MACF1: variants seen among roughly 807,000 people sequenced by gnomAD.
MACF1 encodes the protein microtubule-actin cross-linking factor 1.
A neutral mutation model predicts 854.8 loss-of-function variants in MACF1; 193 were observed. The ratio of observed to expected loss-of-function variants is 0.23; its 90% CI spans 0.20 to 0.25. MACF1 has a LOEUF of 0.25. Among genes scored for constraint, MACF1 ranks in the 10% least tolerant of loss-of-function variants. The pLI is 1.00. For missense variants in MACF1, 7,722 were observed against 8,929.1 expected (o/e 0.86, Z 5.45); for synonymous variants, 3,185 against 3,226.7 (o/e 0.99, Z 0.44).
chr1:39,368,068 C>G, intron 49 of MACF1, 80 bp from the exon 50 acceptor site: 1 of 1,149,096 alleles, frequency 8.7e-7, no homozygotes, highest in South Asian at 1.6e-5. Flanking sequence ...ACCTGGCAAG[C>G]ATACCTCTTT....
intron 2 of MACF1, among the ~76,000 whole-genome samples, chr1:39,151,922 G>A (rs1643587581): frequency 6.6e-6 from 1 of 152,120 alleles, no homozygotes; most frequent in African/African-American, 2.4e-5. Flanking sequence ...TTCAGTGGCA[G>A]TACTGGGATC....
At position 39,469,499 on chromosome 1, in the gene MACF1, G is replaced by A. The variant is rs766129273; in HGVS notation, c.21890-48G>A. 4.8e-5 allele frequency: 68 copies of A among 1,424,686 alleles called. 1 individual carries two copies. The highest frequency in any genetic ancestry group is 4.1e-4 in the South Asian group (33 of 81,404). 88.3% of individuals were successfully genotyped at this position (1,424,686 alleles called of 1,614,324 possible). The stretch of plus-strand genomic sequence containing the variant: ...TTTGTCTTTCTTGACTAGTTTCTGC[G>A]TTTCCTGCCCTGTCTGTTTCTTTCT... On this transcript the variant is annotated intron_variant, in intron 96 of 100. Coordinates refer to ENST00000564288, the MANE Select transcript of MACF1 (RefSeq NM_001394062.1).
chr1:39,317,100 A>G (rs1646426118), intron 28 of MACF1, 114 bp from the exon 29 acceptor site: 2 of 1,069,406 alleles, frequency 1.9e-6, no homozygotes, highest in Admixed American at 2.7e-5. Context: ...CCAGGGCACA[A>G]TCACATATAC....
intron 1 of MACF1, among the ~76,000 whole-genome samples, 199 bp from the exon 2 acceptor site, chr1:39,230,983 G>C (rs1024853665): frequency 2.0e-5 from 3 of 152,200 alleles, no homozygotes; most frequent in African/African-American, 7.2e-5. Flanking sequence ...TGGTGATTCT[G>C]TCTGATTTGT....
chr1:39,444,731 C>A lies in MACF1; in HGVS notation c.19501C>A (p.Leu6501Ile). The A allele has an allele frequency of 6.2e-7, 1 of 1,614,142 alleles. No individual in the cohort carries two copies. The highest frequency in any genetic ancestry group is 8.5e-7 in the Non-Finnish European group (1 of 1,180,014). ...NQLLDKGRLMLLSRDDSGSGS... is the reference protein window; with the variant it reads ...NQLLDKGRLMILSRDDSGSGS... The stretch of plus-strand genomic sequence containing the variant: ...ACTACTTGACAAGGGCAGACTCATG[C>A]TTCTAAGCCGTGACGACTCTGGGTC... The change falls in exon 80 of 101, where the codon CTT becomes ATT. Residue 6501 changes from leucine (L) to isoleucine (I), a missense_variant. By Grantham distance (5) the Leu-to-Ile change is conservative (BLOSUM62 2). Around this residue, in one of 15 missense-constraint regions of MACF1, gnomAD observed 729 missense variants for 900.5 expected, o/e 0.81. Transcript: ENST00000564288.
chr1:39,335,958 A>G lies in MACF1; in HGVS notation c.9370A>G (p.Thr3124Ala). 1 of 1,614,182 alleles carries G rather than the reference A, an allele frequency of 6.2e-7. No homozygotes were observed. The highest frequency in any genetic ancestry group is 8.5e-7 in the Non-Finnish European group (1 of 1,180,024). The change falls in exon 37 of 101, where the codon ACA becomes GCA. Residue 3124 changes from threonine (T) to alanine (A), a missense_variant. Physicochemically the swap from Thr to Ala is moderately conservative, Grantham distance 58 (BLOSUM62 0). This residue lies in a region of MACF1 where 854 missense variants were observed against 852.6 expected (regional missense o/e 1.00). Coordinates refer to ENST00000564288, the MANE Select transcript of MACF1 (RefSeq NM_001394062.1). ...GGAATCAGATGGAAAAGCCCAAGTG[A>G]CAGGCCCATCCCAAATTTCCAAAAC... Reference protein sequence around the residue: ...YQESDGKAQVTGPSQISKTDK... With the variant: ...YQESDGKAQVAGPSQISKTDK...
intron 60 of MACF1, among the ~76,000 whole-genome samples, chr1:39,423,317 T>C (rs1220948975): frequency 6.6e-6 from 1 of 152,182 alleles, no homozygotes; most frequent in Admixed American, 6.6e-5. Context: ...CTCAGCTTTA[T>C]TGGTATATAG....
At chr1:39,104,295 T>C (rs1215706650) in intron 2 of MACF1, among the ~76,000 whole-genome samples, 1 of 152,200 alleles carries the variant, frequency 6.6e-6, no homozygotes, top group African/African-American at 2.4e-5. Context: ...AATATTGGGA[T>C]TGAATGATAC....
intron 2 of MACF1, among the ~76,000 whole-genome samples, chr1:39,156,318 G>T (rs1571111244): frequency 6.6e-6 from 1 of 151,924 alleles, no homozygotes; most frequent in East Asian, 1.9e-4. Flanking sequence ...CTATGACTTA[G>T]TATTTTATAA....
intron 2 of MACF1, among the ~76,000 whole-genome samples, chr1:39,233,099 A>G (rs1279654136): frequency 6.6e-6 from 1 of 151,884 alleles, no homozygotes; most frequent in Non-Finnish European, 1.5e-5. Context: ...CAGTGGCACG[A>G]TCTCGGCTCA....
rs953151051 is a variant in MACF1 at position 39,317,957 on chromosome 1, A to T, written c.3783-496A>T. ...ACTCATAAGTTTTCATTCTAATTGA[A>T]GTCTTATCACAAAGCTGGTTAGACT... On this transcript the variant is annotated intron_variant, in intron 29 of 100. Coordinates refer to ENST00000564288, the MANE Select transcript of MACF1 (RefSeq NM_001394062.1). Among the ~76,000 whole-genome samples the T allele has an allele frequency of 4.6e-5, 7 of 152,344 alleles. 1 individual carries two copies. In the South Asian group the frequency reaches 1.4e-3, roughly 32 times the overall value.
chr1:39,269,479 C>A, intron 6 of MACF1: 2 of 1,289,830 alleles, frequency 1.6e-6, no homozygotes, highest in Non-Finnish European at 2.0e-6. Flanking sequence ...ACGGAGCCTT[C>A]CCATGTGGGT....
intron 22 of MACF1, 136 bp from the exon 23 acceptor site, chr1:39,302,788 C>A: frequency 1.4e-6 from 1 of 735,402 alleles, no homozygotes. Flanking sequence ...AAATCAGAAG[C>A]CCTCACTAAG....
intron 2 of MACF1, among the ~76,000 whole-genome samples, chr1:39,178,607 G>T (rs924195850): frequency 5.1e-4 from 78 of 152,140 alleles, no homozygotes; most frequent in Non-Finnish European, 1.6e-4. Flanking sequence ...CATAACCCAG[G>T]GTTCAGCAGT....
At chr1:39,319,821 C>A (rs749914059) in intron 31 of MACF1, 74 bp downstream of exon 31, 2 of 1,060,500 alleles carry the variant, frequency 1.9e-6, no homozygotes, top group African/African-American at 1.6e-5. Flanking sequence ...ACTGTAGGTT[C>A]TGTTTCTAGA....
At chr1:39,472,288 A>G (rs920627793) in intron 97 of MACF1, among the ~76,000 whole-genome samples, 4 of 152,208 alleles carry the variant, frequency 2.6e-5, no homozygotes, top group Non-Finnish European at 4.4e-5. Context: ...ACTAAATTCA[A>G]GTGCTAGTAC....
chr1:39,396,210 C>T (rs776016276), intron 58 of MACF1, among the ~76,000 whole-genome samples: 16 of 151,440 alleles, frequency 1.1e-4, no homozygotes, highest in Non-Finnish European at 1.8e-4. Flanking sequence ...GTCCCAGCTA[C>T]ACAGGAGGCT....
intron 71 of MACF1, among the ~76,000 whole-genome samples, 174 bp downstream of exon 71, chr1:39,438,182 T>C (rs990019355): frequency 6.6e-6 from 1 of 152,190 alleles, no homozygotes; most frequent in Non-Finnish European, 1.5e-5. Flanking sequence ...CATTTCGCCA[T>C]TGAAACAAGG....
chr1:39,293,465 C>G lies in MACF1; in HGVS notation c.2000C>G (p.Ser667Cys), dbSNP rs1408558883. Residue 667 changes from serine to cysteine, a missense_variant, in exon 18 of 101, where the codon TCT becomes TGT. By Grantham distance (112) the Ser-to-Cys change is moderately radical. This residue lies in a region of MACF1 where 1,137 missense variants were observed against 1,263.0 expected (regional missense o/e 0.90). Transcript: ENST00000564288. ...AATCCTTGCTTTGTCTAGGAAACTT[C>G]TAGCTTCCGGATGAGGCACCTTCAG... ...ETQYCKLKET[S>C]SFRMRHLQSL... 2 of 1,611,080 alleles carry G rather than the reference C, an allele frequency of 1.2e-6. No homozygotes were observed. Among genetic ancestry groups the G allele is most frequent in the Non-Finnish European group, 1.7e-6 (2 of 1,178,310 alleles).
Sources: gnomAD v4.1 joint callset for allele counts (sites outside exome capture counted in the v4.1 genomes callset) on GRCh38, gnomAD v4.1.1 for gene constraint, gnomAD v4.1.1 regional missense constraint, MANE v1.5 for transcripts, NCBI Gene and HGNC (gene_info 2026-07-23, HGNC 2026-07-21) for gene names.